Variants in TTLL9 observed in about 807,000 individuals in gnomAD.
TTLL9 encodes probable tubulin polyglutamylase TTLL9.
TTLL9 carries 47 observed loss-of-function variants against 65.6 expected under a neutral mutation model. The observed-to-expected ratio is 0.72, with a 90% CI of 0.57 to 0.91. The LOEUF (loss-of-function observed/expected upper bound fraction) is 0.91, where lower values mean the gene tolerates loss of function less well. TTLL9 is among the 40% of genes least tolerant of loss of function. The pLI is 0.00. For synonymous variants in TTLL9, 179 were observed against 204.8 expected (o/e 0.87, Z 1.07); for missense variants, 537 against 568.8 (o/e 0.94, Z 0.57).
Position 31,919,920 on chromosome 20 carries a change from G to A in TTLL9, c.561G>A (p.Val187=). ...TCTTCCGTAGGCTGAAGGACATCGT[G>A]GACTGGAGGAAGGTGAGCCTGCCTC... is the stretch of plus-strand genomic sequence containing the variant. ...IFLFRRLKDI[V]DWRKDTRSSD... Residue 187 remains valine, a synonymous_variant, in exon 7 of 15, where the codon GTG becomes GTA. Coordinates refer to ENST00000535842, the MANE Select transcript of TTLL9 (RefSeq NM_001008409.5). 6.3e-7 allele frequency: 1 copy of A among 1,590,510 alleles called. No homozygotes were observed. The highest frequency in any genetic ancestry group is 8.6e-7 in the Non-Finnish European group (1 of 1,168,958).
intron 2 of TTLL9, among the ~76,000 whole-genome samples, chr20:31,880,840 CTTCT>C (rs1465855599): frequency 1.4e-5 from 2 of 141,180 alleles, no homozygotes; most frequent in East Asian, 4.1e-4. Flanking sequence ...CTTCATTTCT[CTTCT>C]TTCTTTCCTT....
intron 14 of TTLL9, chr20:31,939,976 A>C (rs1422060567): frequency 6.6e-6 from 1 of 152,214 alleles, no homozygotes; most frequent in Admixed American, 6.5e-5. Context: ...CATATGCCAA[A>C]ATTTACTAAA....
At chr20:31,926,564 AC>A (rs1363249868) in intron 10 of TTLL9, among the ~76,000 whole-genome samples, 1 of 152,224 alleles carries the variant, frequency 6.6e-6, no homozygotes, top group Non-Finnish European at 1.5e-5. Context: ...TCTTACAAGT[AC>A]ATCTGCGGTA....
At chr20:31,906,161 TA>T (rs2063555657) in intron 4 of TTLL9, among the ~76,000 whole-genome samples, 1 of 152,182 alleles carries the variant, frequency 6.6e-6, no homozygotes, top group African/African-American at 2.4e-5. Context: ...CTTAGCTGCT[TA>T]AGACAGCATT....
chr20:31,941,331 T>A (rs995622856), intron 14 of TTLL9: 1 of 152,126 alleles, frequency 6.6e-6, no homozygotes, highest in Admixed American at 6.5e-5. Flanking sequence ...GCAGCCTTCT[T>A]TGCCAACAGT....
intron 2 of TTLL9, among the ~76,000 whole-genome samples, chr20:31,873,684 GAGAAAGAAAGAAAGAAAGAAAGAAAGAA>G (rs143514524): frequency 4.0e-5 from 4 of 100,512 alleles, no homozygotes; most frequent in Admixed American, 1.2e-4. Context: ...AAGAGAGAGA[GAGAAAGAAAGAAAGAAAGAAAGAAAGAA>G]AGAAAGAAAG....
chr20:31,890,154 C>CTTCCTTTCT, intron 3 of TTLL9, among the ~76,000 whole-genome samples: 1 of 13,578 alleles, frequency 7.4e-5, no homozygotes, highest in African/African-American at 6.9e-4. Flanking sequence ...TCCTTCCTTC[C>CTTCCTTTCT]TTCTTTCTTT....
chr20:31,934,002 G>T, intron 11 of TTLL9, 144 bp downstream of exon 11: 1 of 810,078 alleles, frequency 1.2e-6, no homozygotes, highest in Non-Finnish European at 1.9e-6. Context: ...CCCACTTGCA[G>T]GGCTCAGGGC....
chr20:31,919,837 T>C (rs1314498389), intron 6 of TTLL9, 27 bp from the exon 7 acceptor site: 1 of 1,571,702 alleles, frequency 6.4e-7, no homozygotes, highest in South Asian at 1.2e-5. Flanking sequence ...AGCTAAGAGC[T>C]GGCTTTCTGC....
intron 6 of TTLL9, 58 bp from the exon 7 acceptor site, chr20:31,919,806 G>T: frequency 2.8e-6 from 4 of 1,421,190 alleles, no homozygotes; most frequent in Non-Finnish European, 3.8e-6. Flanking sequence ...CAGCCACGGG[G>T]GCCAACAAGG....
chr20:31,887,903 C>CTTCTCTTCTCTTCTCTTCTA (rs1164719593), intron 3 of TTLL9, among the ~76,000 whole-genome samples: 1 of 150,268 alleles, frequency 6.7e-6, no homozygotes, highest in Non-Finnish European at 1.5e-5. Flanking sequence ...CTTCTCTTCT[C>CTTCTCTTCTCTTCTCTTCTA]TTTTGAGTTT....
In TTLL9 at chr20:31,908,676, A is replaced by G. The variant is rs1444438286; in HGVS notation, c.292A>G (p.Ile98Val). Reference sequence around the variant, plus strand: ...CACCTACATGGATGAACATGTGCGGATCAGTCACTTCCGGAACCACTATGA... The same window carrying G: ...CACCTACATGGATGAACATGTGCGGGTCAGTCACTTCCGGAACCACTATGA... Reference protein sequence around the residue: ...DHTYMDEHVRISHFRNHYELT... With the variant: ...DHTYMDEHVRVSHFRNHYELT... The change falls in exon 5 of 15, where the codon ATC becomes GTC. Residue 98 changes from isoleucine (I) to valine (V), a missense_variant. This residue lies in a region of TTLL9 where 320 missense variants were observed against 311.0 expected (regional missense o/e 1.03). Coordinates refer to ENST00000535842, the MANE Select transcript of TTLL9 (RefSeq NM_001008409.5). 4 of 1,614,132 alleles carry G rather than the reference A, an allele frequency of 2.5e-6. No individual in the cohort carries two copies. In the South Asian group the frequency reaches 4.4e-5, roughly 18 times the overall value.
intron 9 of TTLL9, 148 bp from the exon 10 acceptor site, chr20:31,925,901 G>C (rs546119339): frequency 6.4e-7 from 1 of 1,551,950 alleles, no homozygotes; most frequent in South Asian, 1.2e-5. Flanking sequence ...TGGCTCTACC[G>C]GGATGGCTTT....
At position 31,932,952 on chromosome 20, in the gene TTLL9, C is replaced by T. The variant is rs530971014; in HGVS notation, c.749-848C>T. On this transcript the variant is annotated intron_variant, in intron 10 of 14. Coordinates refer to ENST00000535842, the MANE Select transcript of TTLL9 (RefSeq NM_001008409.5). ...CGGAGGTTGCAGTGAGCTAAGATTG[C>T]GCCACTGCACTCCAGTCTGGGCAAA... 7.9e-5 allele frequency among the ~76,000 whole-genome samples: 12 copies of T among 152,188 alleles called. No individual in the cohort carries two copies. In the South Asian group the frequency reaches 1.2e-3, roughly 16 times the overall value.
chr20:31,874,321 C>T (rs2063007603), intron 2 of TTLL9, among the ~76,000 whole-genome samples: 1 of 151,300 alleles, frequency 6.6e-6, no homozygotes, highest in Non-Finnish European at 1.5e-5. Context: ...TGTTTACACT[C>T]TATTTCCTTG....
chr20:31,897,494 T>C (rs1375458306), intron 3 of TTLL9, among the ~76,000 whole-genome samples: 1 of 152,226 alleles, frequency 6.6e-6, no homozygotes, highest in East Asian at 1.9e-4. Flanking sequence ...TGATTTGCTA[T>C]AATGTTTTTC....
intron 8 of TTLL9, among the ~76,000 whole-genome samples, chr20:31,924,625 C>T (rs981148636): frequency 2.3e-4 from 35 of 151,766 alleles, no homozygotes; most frequent in Non-Finnish European, 1.0e-4. Flanking sequence ...TGCTCTGTCA[C>T]TCAGGCTGGA....
At position 31,943,139 on chromosome 20, in the gene TTLL9, G is replaced by A. The variant is rs1431835981; in HGVS notation, c.*118G>A. ...CCTCCCCACCTCCAGCCTGGCACCA[G>A]CTTTGCTGGCTTAGCAGCTGCAGCT... is the stretch of plus-strand genomic sequence containing the variant. On this transcript the variant is annotated 3_prime_UTR_variant, in exon 15 of 15. Coordinates refer to ENST00000535842, the MANE Select transcript of TTLL9 (RefSeq NM_001008409.5). The A allele has an allele frequency of 3.2e-6, 3 of 940,858 alleles. No individual in the cohort carries two copies. Among genetic ancestry groups the A allele is most frequent in the East Asian group, 2.5e-5 (1 of 40,194 alleles). The allele number at this position is 940,858 out of a possible 1,614,324, so 58.3% of individuals were successfully genotyped here.
intron 3 of TTLL9, among the ~76,000 whole-genome samples, chr20:31,894,906 T>C (rs943021370): frequency 5.9e-5 from 9 of 152,156 alleles, no homozygotes; most frequent in Admixed American, 5.2e-4. Context: ...ACTGCCGTCT[T>C]GAGCTTGTTA....
Sources: gnomAD v4.1 joint callset for allele counts (sites outside exome capture counted in the v4.1 genomes callset) on GRCh38, gnomAD v4.1.1 for gene constraint, gnomAD v4.1.1 regional missense constraint, MANE v1.5 for transcripts, NCBI Gene and HGNC (gene_info 2026-07-23, HGNC 2026-07-21) for gene names.